SLC39A14: variants seen among roughly 807,000 people sequenced by gnomAD.
SLC39A14 encodes metal cation symporter ZIP14.
Under a neutral mutation model 45.5 loss-of-function variants are expected in SLC39A14, and 19 were observed. The ratio of observed to expected loss-of-function variants is 0.42; its 90% confidence interval spans 0.29 to 0.61. SLC39A14 has a LOEUF of 0.61. SLC39A14 is among the 20% of genes least tolerant of loss of function. The probability of loss-of-function intolerance (pLI) is 0.22; values close to 1 mark genes in which losing one functional copy is unlikely to be tolerated. For synonymous variants in SLC39A14, 264 were observed against 251.3 expected, an observed-to-expected ratio of 1.05 and a Z score of -0.48; for missense variants, 447 against 616.5, an observed-to-expected ratio of 0.73 and a Z score of 2.91.
In SLC39A14 at chr8:22,398,162, T is replaced by A. The variant is rs144531788; in HGVS notation, c.-15-6534T>A. The stretch of plus-strand genomic sequence containing the variant: ...GCGTCTACTTGGCCGCCCCCTCCAC[T>A]CCCTCACCCACCCCTGCAACCCTGT... On this transcript the variant is annotated intron_variant, in intron 1 of 8. Transcript: ENST00000381237. 153 of 152,324 alleles carry A rather than the reference T, an allele frequency of 1.0e-3. 1 individual carries two copies. The highest frequency in any genetic ancestry group is 3.5e-3 in the African/African-American group (146 of 41,550). 9.4% of individuals were successfully genotyped at this position (152,324 alleles called of 1,614,324 possible). A position where few individuals can be genotyped will look rare whatever the true frequency, so the allele number is the denominator to read the frequency against.
At chr8:22,407,569 C>G (rs1221138278) in intron 2 of SLC39A14, among the ~76,000 whole-genome samples, 1 of 152,096 alleles carries the variant, frequency 6.6e-6, no homozygotes, top group African/African-American at 2.4e-5. Context: ...ACATGTTGGC[C>G]AGGCTGGTTT....
chr8:22,428,165 C>A (rs987313250), intron 8 of SLC39A14, among the ~76,000 whole-genome samples: 2 of 152,012 alleles, frequency 1.3e-5, no homozygotes, highest in Non-Finnish European at 2.9e-5. Context: ...GGTGTGGTGG[C>A]GCATGCCTGT....
intron 1 of SLC39A14, among the ~76,000 whole-genome samples, chr8:22,377,343 C>T (rs1021782009): frequency 2.0e-5 from 3 of 151,848 alleles, no homozygotes; most frequent in Non-Finnish European, 4.4e-5. Flanking sequence ...CTTGTAACTT[C>T]GCTGCCCCAG....
At chr8:22,409,147 A>G (rs986788051) in intron 3 of SLC39A14, among the ~76,000 whole-genome samples, 2 of 151,412 alleles carry the variant, frequency 1.3e-5, no homozygotes, top group African/African-American at 4.9e-5. Flanking sequence ...TTTTTCCTTT[A>G]AGACCTCCCG....
Position 22,415,750 on chromosome 8 carries a change from C to G in SLC39A14, c.751-19C>G. ...GTTTTGGTGAATGTCATGCTGATCCCTCCCTGTCACCCTTCCAGCATCATC... is the reference window on the plus strand; with the variant it reads ...GTTTTGGTGAATGTCATGCTGATCCGTCCCTGTCACCCTTCCAGCATCATC... On this transcript the variant is annotated intron_variant, in intron 5 of 8. Coordinates refer to ENST00000381237, the MANE Select transcript of SLC39A14 (RefSeq NM_001128431.4). 2 of 1,603,386 alleles carry G rather than the reference C, an allele frequency of 1.2e-6. No homozygotes were observed. Among genetic ancestry groups the G allele is most frequent in the Non-Finnish European group, 1.7e-6 (2 of 1,177,258 alleles).
downstream of SLC39A14, among the ~76,000 whole-genome samples, chr8:22,423,885 G>A (rs1836336581): frequency 6.6e-6 from 1 of 151,200 alleles, no homozygotes; most frequent in Admixed American, 6.6e-5. Flanking sequence ...GAGAGAGAGT[G>A]AGCTTGAACT....
At position 22,412,181 on chromosome 8, in the gene SLC39A14, A is replaced by G. The variant is rs781318382; in HGVS notation, c.602A>G (p.Asn201Ser). 1.9e-6 allele frequency: 3 copies of G among 1,551,592 alleles called. No homozygotes were observed. Among genetic ancestry groups the G allele is most frequent in the Non-Finnish European group, 1.7e-6 (2 of 1,146,976 alleles). Residue 201 changes from asparagine (N) to serine (S), a missense_variant, in exon 4 of 9, where the codon AAC becomes AGC. This residue lies in a region of SLC39A14 where 342 missense variants were observed against 428.1 expected (regional missense o/e 0.80). Coordinates refer to ENST00000381237, the MANE Select transcript of SLC39A14 (RefSeq NM_001128431.4). ...IALAIGTLYS[N>S]ALFQLIPEAF... ...CTGGCGATTGGAACCCTCTACTCCA[A>G]CGCCCTCTTCCAGCTCATCCCGGAG... is the stretch of plus-strand genomic sequence containing the variant.
chr8:22,381,630 G>A (rs1833521695), intron 1 of SLC39A14, among the ~76,000 whole-genome samples: 1 of 152,194 alleles, frequency 6.6e-6, no homozygotes. Flanking sequence ...CAGGGCAGGA[G>A]AGGATTTTCC....
intron 1 of SLC39A14, among the ~76,000 whole-genome samples, chr8:22,377,020 T>A (rs1833255412): frequency 6.6e-6 from 1 of 152,246 alleles, no homozygotes; most frequent in African/African-American, 2.4e-5. Flanking sequence ...CTGTAGACCC[T>A]GCTTGCAACA....
chr8:22,401,985 A>G (rs1441609488), intron 1 of SLC39A14, among the ~76,000 whole-genome samples: 1 of 152,228 alleles, frequency 6.6e-6, no homozygotes, highest in East Asian at 1.9e-4. Context: ...CTTTCTGCAT[A>G]TAGCCTTTTT....
Position 22,408,458 on chromosome 8 carries a change from A to G in SLC39A14, c.419A>G (p.Asn140Ser), listed in dbSNP as rs755579926. Residue 140 changes from asparagine (N) to serine (S), a missense_variant, in exon 3 of 9, where the codon AAT becomes AGT. By Grantham distance (46) the Asn-to-Ser change is conservative. Around this residue, in one of 2 missense-constraint regions of SLC39A14, gnomAD observed 342 missense variants for 428.1 expected, o/e 0.80. Coordinates refer to ENST00000381237, the MANE Select transcript of SLC39A14 (RefSeq NM_001128431.4). ...TCGGAGAACCAGGAAAACGAGGAGA[A>G]TGAGCAGACGGAGGAGGGGCGGCCA... ...CTSENQENEENEQTEEGRPSA... is the reference protein window; with the variant it reads ...CTSENQENEESEQTEEGRPSA... 6.2e-7 allele frequency: 1 copy of G among 1,614,054 alleles called. No individual in the cohort carries two copies. The highest frequency in any genetic ancestry group is 8.5e-7 in the Non-Finnish European group (1 of 1,180,038).
chr8:22,385,318 TG>T (rs970278125), intron 1 of SLC39A14, among the ~76,000 whole-genome samples: 1 of 152,122 alleles, frequency 6.6e-6, no homozygotes, highest in Admixed American at 6.6e-5. Context: ...GGGTGTTGTT[TG>T]GGGATGGACA....
At chr8:22,407,273 CA>C (rs1835278740) in intron 2 of SLC39A14, among the ~76,000 whole-genome samples, 1 of 152,232 alleles carries the variant, frequency 6.6e-6, no homozygotes, top group Admixed American at 6.5e-5. Flanking sequence ...CGCATTTTAA[CA>C]TAATAGCTCC....
Position 22,367,870 on chromosome 8 carries a change from C to T in SLC39A14, c.-16+462C>T, listed in dbSNP as rs1243352915. The T allele has an allele frequency of 6.6e-6, 1 of 152,622 alleles. No homozygotes were observed. The highest frequency in any genetic ancestry group is 2.4e-5 in the African/African-American group (1 of 41,480). 9.5% of individuals were successfully genotyped at this position (152,622 alleles called of 1,614,324 possible). On this transcript the variant is annotated intron_variant, in intron 1 of 8. Coordinates refer to ENST00000381237, the MANE Select transcript of SLC39A14 (RefSeq NM_001128431.4). This position sits in a 1 kb window ranked among gnomAD's most constrained non-coding sequence, Gnocchi z 4.2. ...CCCTCTGAAGGTACATGTACCCAAT[C>T]TTCCGGCTGAGCGAATCTCCAACCT...
intron 3 of SLC39A14, chr8:22,410,160 C>T: frequency 6.2e-7 from 1 of 1,604,786 alleles, no homozygotes; most frequent in Non-Finnish European, 8.5e-7. Context: ...CCTGGGGCGG[C>T]ACAGCTGAGC....
intron 1 of SLC39A14, among the ~76,000 whole-genome samples, chr8:22,375,572 G>A (rs564062432): frequency 1.5e-4 from 22 of 151,456 alleles, no homozygotes; most frequent in Non-Finnish European, 2.8e-4. Context: ...TGCAACCTCC[G>A]CCTCCCAGGT....
At chr8:22,374,275 C>T (rs566937802) in intron 1 of SLC39A14, among the ~76,000 whole-genome samples, 211 of 152,158 alleles carry the variant, frequency 1.4e-3, no homozygotes, top group African/African-American at 4.9e-3. Flanking sequence ...AGTCCAGTGG[C>T]GCTCAGCTAA....
At chr8:22,416,368 C>T in intron 7 of SLC39A14, 88 bp downstream of exon 7, 2 of 1,094,338 alleles carry the variant, frequency 1.8e-6, no homozygotes, top group Non-Finnish European at 2.8e-6. Context: ...TCCCATCTCC[C>T]TGTCTTCACA....
intron 1 of SLC39A14, among the ~76,000 whole-genome samples, chr8:22,377,871 A>T (rs1453455835): frequency 1.3e-5 from 2 of 152,226 alleles, no homozygotes; most frequent in Non-Finnish European, 2.9e-5. Flanking sequence ...ATGCTTGATC[A>T]GCATCTTACC....
Sources: allele counts gnomAD v4.1 joint callset (sites outside exome capture counted in the v4.1 genomes callset), GRCh38; gene constraint gnomAD v4.1.1; regional missense constraint gnomAD v4.1.1; non-coding constraint Gnocchi (gnomAD v3.1); transcripts MANE v1.5; gene names NCBI Gene and HGNC (gene_info 2026-07-23, HGNC 2026-07-21).